Variants in LPIN1 observed in about 807,000 individuals in gnomAD.
LPIN1 encodes phosphatidate phosphatase LPIN1.
In LPIN1, 71 loss-of-function variants were observed where a neutral mutation model predicts 107.5. That is an observed-to-expected ratio of 0.66 (90% confidence interval 0.55 to 0.80). The LOEUF (loss-of-function observed/expected upper bound fraction) is 0.80, where lower values mean the gene tolerates loss of function less well. Among genes scored for constraint, LPIN1 ranks in the 30% least tolerant of loss-of-function variants. LPIN1 has a pLI of 0.00. For missense variants in LPIN1, 1,043 were observed against 1,160.6 expected (o/e 0.90, Z 1.47); for synonymous variants, 445 against 452.6 (o/e 0.98, Z 0.21).
In LPIN1 at chr2:11,767,627, G is replaced by C. The variant is rs558486449; in HGVS notation, c.193-136G>C. The C allele has an allele frequency of 3.9e-5, 28 of 715,342 alleles. No individual in the cohort carries two copies. In the African/African-American group the frequency reaches 4.7e-4, roughly 12 times the overall value. The allele number at this position is 715,342 out of a possible 1,614,324, so 44.3% of individuals were successfully genotyped here. A position where few individuals can be genotyped will look rare whatever the true frequency, so the allele number is the denominator to read the frequency against. On this transcript the variant is annotated intron_variant, in intron 2 of 20. Coordinates refer to ENST00000674199, the MANE Select transcript of LPIN1 (RefSeq NM_001349206.2). ...ACAGTTCCCTTGGATGGGACGGCCT[G>C]ACTGAGACTGGGAGTTGTGTGGCAC... is the stretch of plus-strand genomic sequence containing the variant.
In LPIN1 at chr2:11,791,330, G is replaced by A. The variant is rs372623696; in HGVS notation, c.1714-584G>A. Among the ~76,000 whole-genome samples, 14 of 152,216 alleles carry A rather than the reference G, an allele frequency of 9.2e-5. No individual in the cohort carries two copies. The East Asian group carries it at 1.2e-3, about 13-fold the overall frequency. On this transcript the variant is annotated intron_variant, in intron 12 of 20. Coordinates refer to ENST00000674199, the MANE Select transcript of LPIN1 (RefSeq NM_001349206.2). Reference sequence around the variant, plus strand: ...TAGGTATTTTGTTCTTTGGAAAAACGTAGAAAATTATCAATTCATATTTAA... The same window carrying A: ...TAGGTATTTTGTTCTTTGGAAAAACATAGAAAATTATCAATTCATATTTAA...
Position 11,765,412 on chromosome 2 carries a change from G to C in LPIN1, c.-9-121G>C. The C allele has an allele frequency of 1.1e-6, 1 of 910,854 alleles. No individual in the cohort carries two copies. The highest frequency in any genetic ancestry group is 1.7e-6 in the Non-Finnish European group (1 of 591,702). 56.4% of individuals were successfully genotyped at this position (910,854 alleles called of 1,614,324 possible). Reference sequence around the variant, plus strand: ...GGTGGATAGAACACATTCCGGAAATGAGAGGAGCTGAAAGTTGAGTGTGTA... The same window carrying C: ...GGTGGATAGAACACATTCCGGAAATCAGAGGAGCTGAAAGTTGAGTGTGTA... On this transcript the variant is annotated intron_variant, in intron 1 of 20. Coordinates refer to ENST00000674199, the MANE Select transcript of LPIN1 (RefSeq NM_001349206.2). The surrounding 1 kb of genome is among the most constrained non-coding windows in gnomAD (Gnocchi z 4.4).
intron 1 of LPIN1, among the ~76,000 whole-genome samples, chr2:11,756,013 G>A (rs1196481321): frequency 6.6e-6 from 1 of 152,172 alleles, no homozygotes; most frequent in African/African-American, 2.4e-5. Flanking sequence ...AAGCCACCAC[G>A]CCTGGCCACT....
Position 11,803,080 on chromosome 2 carries a change from T to A in LPIN1, c.2013+47T>A. The A allele has an allele frequency of 6.2e-7, 1 of 1,610,100 alleles. No individual in the cohort carries two copies. The highest frequency in any genetic ancestry group is 8.5e-7 in the Non-Finnish European group (1 of 1,179,664). On this transcript the variant is annotated intron_variant, in intron 15 of 20. Transcript: ENST00000674199. This position sits in a 1 kb window ranked among gnomAD's most constrained non-coding sequence, Gnocchi z 4.2. ...CGGCTGTGTTGTGAGCACATGAGGT[T>A]TCTGCAGACTCCTAAGGCTGTGTGA...
chr2:11,689,384 C>T (rs1261003969), intron 1 of LPIN1, among the ~76,000 whole-genome samples: 2 of 152,326 alleles, frequency 1.3e-5, no homozygotes, highest in African/African-American at 2.4e-5. Flanking sequence ...TCAATATCAT[C>T]TTGTTGGTTT....
At chr2:11,677,614 G>T (rs1313936178) in exon 1 of LPIN1, 1 of 1,471,376 alleles carries the variant, frequency 6.8e-7, no homozygotes, top group Non-Finnish European at 9.2e-7. Context: ...CTGATGCTGG[G>T]TGAGGAGGCA....
intron 1 of LPIN1, among the ~76,000 whole-genome samples, chr2:11,687,513 G>C (rs998905974): frequency 1.3e-5 from 2 of 152,104 alleles, no homozygotes; most frequent in Non-Finnish European, 2.9e-5. Flanking sequence ...TCTGAACTTG[G>C]GAAGAGTTTG....
In LPIN1 at chr2:11,774,506, T is replaced by A. The variant is rs886091848; in HGVS notation, c.722+761T>A. 1.3e-5 allele frequency among the ~76,000 whole-genome samples: 2 copies of A among 152,166 alleles called. No homozygotes were observed. The highest frequency in any genetic ancestry group is 4.8e-5 in the African/African-American group (2 of 41,436). On this transcript the variant is annotated intron_variant, in intron 5 of 20. Transcript: ENST00000674199. The surrounding 1 kb of genome is among the most constrained non-coding windows in gnomAD (Gnocchi z 4.4). ...ATGGTGGGTGGAGTTGGGCTATTAATTTCTCAGAATGCTCAGGGGCATGTT... is the reference window on the plus strand; with the variant it reads ...ATGGTGGGTGGAGTTGGGCTATTAAATTCTCAGAATGCTCAGGGGCATGTT...
At chr2:11,783,987 G>A in intron 9 of LPIN1, 65 bp downstream of exon 9, 1 of 1,611,268 alleles carries the variant, frequency 6.2e-7, no homozygotes, top group South Asian at 1.1e-5. Context: ...TGTGAGACCA[G>A]TTTCCCCTTA....
At chr2:11,698,166 C>A (rs1304326241) in intron 1 of LPIN1, among the ~76,000 whole-genome samples, 2 of 152,194 alleles carry the variant, frequency 1.3e-5, no homozygotes, top group African/African-American at 4.8e-5. Flanking sequence ...TGGCCATCCT[C>A]ACTTGACGTC....
At chr2:11,784,055 AG>A in intron 9 of LPIN1, 133 bp downstream of exon 9, 2 of 1,485,262 alleles carry the variant, frequency 1.3e-6, no homozygotes, top group African/African-American at 2.8e-5. Context: ...CTGTAATCCC[AG>A]CACTTTGGGA....
At chr2:11,804,706 C>T (rs1039076318) in intron 16 of LPIN1, 135 bp downstream of exon 16, 41 of 906,856 alleles carry the variant, frequency 4.5e-5, no homozygotes, top group Non-Finnish European at 6.8e-5. Flanking sequence ...GAGCTCCTTA[C>T]GTAGTTTCAG....
Position 11,785,081 on chromosome 2 carries a change from C to G in LPIN1, c.1549+5C>G. On this transcript the variant is annotated splice_donor_5th_base_variant and intron_variant, in intron 10 of 20. Transcript: ENST00000674199. ...ACCACCGGGAGATCACGAAAGGTAC[C>G]GCGGGCCTCGCGCGGGCGCCCTCTG... The G allele has an allele frequency of 6.5e-7, 1 of 1,547,424 alleles. No homozygotes were observed. Among genetic ancestry groups the G allele is most frequent in the Non-Finnish European group, 8.7e-7 (1 of 1,150,842 alleles).
chr2:11,731,829 A>AT (rs1665264302), intron 1 of LPIN1, among the ~76,000 whole-genome samples: 3 of 85,554 alleles, frequency 3.5e-5, no homozygotes, highest in African/African-American at 8.4e-5. Flanking sequence ...AGTGATGATG[A>AT]GTTTTTTTTT....
At chr2:11,696,325 C>T (rs1020503904) in intron 1 of LPIN1, among the ~76,000 whole-genome samples, 1 of 151,716 alleles carries the variant, frequency 6.6e-6, no homozygotes, top group African/African-American at 2.4e-5. Flanking sequence ...ATGAGCTGCT[C>T]GAGGGAAGGA....
intron 18 of LPIN1, chr2:11,816,313 C>T (rs754211732): frequency 2.0e-5 from 3 of 152,166 alleles, no homozygotes; most frequent in Non-Finnish European, 4.4e-5. Flanking sequence ...GCTATCATAA[C>T]AGCACTGATC....
chr2:11,730,354 C>T (rs1277842952), intron 1 of LPIN1, among the ~76,000 whole-genome samples: 1 of 152,162 alleles, frequency 6.6e-6, no homozygotes, highest in Non-Finnish European at 1.5e-5. Context: ...CTCCATGTCT[C>T]CTGTGAAGGT....
At chr2:11,683,279 T>A (rs1661822692) in intron 1 of LPIN1, 1 of 152,206 alleles carries the variant, frequency 6.6e-6, no homozygotes, top group South Asian at 2.1e-4. Context: ...GGAATTTCGG[T>A]AATAGCCAGT....
chr2:11,706,271 C>A (rs1190494015), intron 1 of LPIN1, among the ~76,000 whole-genome samples: 1 of 152,182 alleles, frequency 6.6e-6, no homozygotes, highest in Admixed American at 6.5e-5. Context: ...GGCGAGTGAA[C>A]TGCAGGGTGG....
Sources: gnomAD v4.1 joint callset for allele counts (sites outside exome capture counted in the v4.1 genomes callset) on GRCh38, gnomAD v4.1.1 for gene constraint, Gnocchi (gnomAD v3.1) non-coding constraint, MANE v1.5 for transcripts, NCBI Gene and HGNC (gene_info 2026-07-23, HGNC 2026-07-21) for gene names.